The following PPEF1 variants were observed in gnomAD, a reference collection of about 807,000 sequenced individuals.
PPEF1 encodes serine/threonine-protein phosphatase with EF-hands 1.
Under a neutral mutation model 53.3 loss-of-function variants are expected in PPEF1, and 12 were observed. The ratio of observed to expected loss-of-function variants is 0.23; its 90% CI spans 0.14 to 0.36. The LOEUF is 0.36. PPEF1 is among the 10% of genes least tolerant of loss of function. PPEF1 has a pLI of 1.00. For synonymous variants in PPEF1, 165 were observed against 176.7 expected (o/e 0.93, Z 0.52); for missense variants, 334 against 490.4 (o/e 0.68, Z 3.01).
chrX:18,810,542 A>G (rs1353122456), intron 12 of PPEF1, among the ~76,000 whole-genome samples: 2 of 111,786 alleles, frequency 1.8e-5, no homozygotes, highest in African/African-American at 3.2e-5. Context: ...ACCTCCTCCC[A>G]TCACAGCCCT....
intron 1 of PPEF1, among the ~76,000 whole-genome samples, chrX:18,717,519 C>T (rs1354804746): frequency 5.4e-5 from 6 of 110,281 alleles, no homozygotes; most frequent in Admixed American, 9.8e-5. Flanking sequence ...CATTTGTACC[C>T]GCTGTCTCCT....
Position 18,789,278 on chromosome X carries a change from G to T in PPEF1, c.1065+5G>T. On this transcript the variant is annotated splice_donor_5th_base_variant and intron_variant, in intron 10 of 15. Coordinates refer to ENST00000470157, the MANE Select transcript of PPEF1 (RefSeq NM_001377996.1). The stretch of plus-strand genomic sequence containing the variant: ...ACAGAGCATGAATGGGAACAGGTAG[G>T]TAATCAGGGTGTTCACTGCAGTGGC... The T allele has an allele frequency of 8.3e-7, 1 of 1,204,346 alleles. No individual in the cohort carries two copies. The highest frequency in any genetic ancestry group is 1.1e-6 in the Non-Finnish European group (1 of 889,597).
rs1333478470 is a variant in PPEF1, at chrX:18,725,109, C to G, written c.47-5072C>G. Reference sequence around the variant, plus strand: ...GCTCTAATGACGGCGTGCGTTGGAGCCTGCAGGAAGTTGGAGGCTTGAGGT... The same window carrying G: ...GCTCTAATGACGGCGTGCGTTGGAGGCTGCAGGAAGTTGGAGGCTTGAGGT... On this transcript the variant is annotated intron_variant, in intron 1 of 15. Coordinates refer to ENST00000470157, the MANE Select transcript of PPEF1 (RefSeq NM_001377996.1). 6.3e-5 allele frequency among the ~76,000 whole-genome samples: 7 copies of G among 111,093 alleles called. No individual in the cohort carries two copies. In the Admixed American group the frequency reaches 6.7e-4, roughly 11 times the overall value.
chrX:18,822,851 A>G (rs943237307), intron 13 of PPEF1, among the ~76,000 whole-genome samples: 3 of 111,788 alleles, frequency 2.7e-5, no homozygotes, highest in African/African-American at 9.7e-5. Context: ...ATCTCAGTCA[A>G]AATCCCAAGG....
chrX:18,740,154 G>A (rs1468372048), intron 3 of PPEF1, among the ~76,000 whole-genome samples: 1 of 112,132 alleles, frequency 8.9e-6, no homozygotes. Flanking sequence ...ATAAGCCCGA[G>A]TGAGATGAAC....
chrX:18,807,301 G>A (rs940031864), intron 12 of PPEF1, among the ~76,000 whole-genome samples: 3 of 111,934 alleles, frequency 2.7e-5, no homozygotes, highest in Non-Finnish European at 5.6e-5. Flanking sequence ...AAAGTACTGG[G>A]ATTACAGGCA....
At chrX:18,677,264 C>T (rs1342928808) in intron 1 of PPEF1, among the ~76,000 whole-genome samples, 1 of 111,747 alleles carries the variant, frequency 8.9e-6, no homozygotes, top group Non-Finnish European at 1.9e-5. Context: ...ATCTCAAACT[C>T]CTGGCCTCAA....
rs745904108 is a variant in PPEF1 at position 18,802,190 on chromosome X, A to G, written c.1066-1702A>G. Reference sequence around the variant, plus strand: ...AGGGATCTTCTCACTTCAGCCTCCCAAGTAGCTGGGAACACATTCCGGCAC... The same window carrying G: ...AGGGATCTTCTCACTTCAGCCTCCCGAGTAGCTGGGAACACATTCCGGCAC... On this transcript the variant is annotated intron_variant, in intron 10 of 15. Transcript: ENST00000470157. 2.7e-5 allele frequency among the ~76,000 whole-genome samples: 3 copies of G among 109,885 alleles called. No homozygotes were observed. In the Admixed American group the frequency reaches 2.9e-4, roughly 11 times the overall value.
intron 12 of PPEF1, among the ~76,000 whole-genome samples, chrX:18,809,138 T>TCTAC (rs1450443525): frequency 1.9e-5 from 2 of 102,647 alleles, no homozygotes; most frequent in East Asian, 6.1e-4. Flanking sequence ...TATCTATCTA[T>TCTAC]CTAGTAATTC....
intron 10 of PPEF1, among the ~76,000 whole-genome samples, chrX:18,793,518 G>A (rs1053074197): frequency 2.7e-5 from 3 of 110,592 alleles, no homozygotes; most frequent in African/African-American, 9.9e-5. Flanking sequence ...GGTTTATCCC[G>A]GAGAATGCTC....
intron 9 of PPEF1, among the ~76,000 whole-genome samples, chrX:18,786,977 GA>G (rs1028021264): frequency 3.6e-5 from 4 of 110,791 alleles, no homozygotes; most frequent in Non-Finnish European, 5.7e-5. Context: ...CCCCTTCAGG[GA>G]TAACTGTTCT....
intron 1 of PPEF1, among the ~76,000 whole-genome samples, chrX:18,718,576 C>T (rs2044512460): frequency 9.0e-6 from 1 of 111,307 alleles, no homozygotes; most frequent in Non-Finnish European, 1.9e-5. Flanking sequence ...GGCAACAGAG[C>T]AAGACATTGT....
At chrX:18,781,990 T>C (rs2046096970) in intron 7 of PPEF1, among the ~76,000 whole-genome samples, 1 of 111,669 alleles carries the variant, frequency 9.0e-6, no homozygotes, top group Admixed American at 9.5e-5. Context: ...GTCTGAGAAA[T>C]TCTATCTAAA....
At chrX:18,777,454 A>G (rs2045988549) in intron 6 of PPEF1, among the ~76,000 whole-genome samples, 1 of 112,526 alleles carries the variant, frequency 8.9e-6, no homozygotes, top group South Asian at 3.6e-4. Flanking sequence ...TATTTCTAGA[A>G]TATGTGTATT....
chrX:18,759,706 T>C (rs189556728), intron 5 of PPEF1, among the ~76,000 whole-genome samples: 2 of 112,050 alleles, frequency 1.8e-5, no homozygotes, highest in African/African-American at 6.5e-5. Flanking sequence ...ATGATACTAA[T>C]ATGCTAATAA....
intron 4 of PPEF1, among the ~76,000 whole-genome samples, chrX:18,693,311 G>A (rs1171322562): frequency 1.8e-5 from 2 of 111,690 alleles, no homozygotes; most frequent in Non-Finnish European, 3.8e-5. Flanking sequence ...AACACAGGTG[G>A]CACCAACCTA....
intron 10 of PPEF1, among the ~76,000 whole-genome samples, chrX:18,792,787 G>C (rs946073843): frequency 8.9e-5 from 10 of 111,982 alleles, no homozygotes; most frequent in Admixed American, 8.6e-4. Context: ...TGAAATGAAA[G>C]TACACTCCAC....
chrX:18,806,599 C>A, intron 12 of PPEF1, 54 bp downstream of exon 12: 1 of 1,076,481 alleles, frequency 9.3e-7, no homozygotes, highest in Non-Finnish European at 1.2e-6. Context: ...CCCATTAGAA[C>A]CAGTCCCACG....
Position 18,827,558 on chromosome X carries a change from C to A in PPEF1, c.*71C>A. ...AAATCACAAGTACAGTCCTTTCCAA[C>A]ACCCCTGAAATTCATAGTCAGTAGC... On this transcript the variant is annotated 3_prime_UTR_variant, in exon 16 of 16. Coordinates refer to ENST00000470157, the MANE Select transcript of PPEF1 (RefSeq NM_001377996.1). 1.2e-6 allele frequency: 1 copy of A among 858,160 alleles called. No homozygotes were observed. The highest frequency in any genetic ancestry group is 1.7e-6 in the Non-Finnish European group (1 of 593,912). 70.7% of individuals were successfully genotyped at this position (858,160 alleles called of 1,213,427 possible).
Sources: allele counts gnomAD v4.1 joint callset (sites outside exome capture counted in the v4.1 genomes callset), GRCh38; gene constraint gnomAD v4.1.1; transcripts MANE v1.5; gene names NCBI Gene and HGNC (gene_info 2026-07-23, HGNC 2026-07-21).